Variants in PLXDC2 observed in about 807,000 individuals in gnomAD.
PLXDC2 encodes plexin domain containing 2.
Under a neutral mutation model 68.9 loss-of-function variants are expected in PLXDC2, and 40 were observed. That is an observed-to-expected ratio of 0.58 (90% CI 0.45 to 0.76). The LOEUF (loss-of-function observed/expected upper bound fraction) is 0.76, where lower values mean the gene tolerates loss of function less well. Ranked by LOEUF, PLXDC2 falls within the 30% of genes least tolerant of loss-of-function variation. The pLI is 0.00. For synonymous variants in PLXDC2, 243 were observed against 234.2 expected, an observed-to-expected ratio of 1.04 and a Z score of -0.34; for missense variants, 644 against 661.9, an observed-to-expected ratio of 0.97 and a Z score of 0.30.
At chr10:19,865,185 C>A (rs139685149) in intron 1 of PLXDC2, among the ~76,000 whole-genome samples, 2 of 152,128 alleles carry the variant, frequency 1.3e-5, no homozygotes, top group African/African-American at 4.8e-5. Flanking sequence ...TTGTGTAAGA[C>A]CACGGATTTT....
chr10:19,933,804 G>C (rs1195556441), intron 1 of PLXDC2, among the ~76,000 whole-genome samples: 1 of 144,154 alleles, frequency 6.9e-6, no homozygotes, highest in Non-Finnish European at 1.5e-5. Flanking sequence ...GAGGGCAGGA[G>C]GGAGGGAAAA....
chr10:20,278,668 A>G (rs978193581), intron 13 of PLXDC2, among the ~76,000 whole-genome samples: 2 of 152,100 alleles, frequency 1.3e-5, no homozygotes, highest in African/African-American at 4.8e-5. Context: ...ACCTGATGTG[A>G]AAAACTTTCA....
intron 9 of PLXDC2, among the ~76,000 whole-genome samples, chr10:20,197,123 A>T (rs1311461728): frequency 6.6e-6 from 1 of 152,150 alleles, no homozygotes; most frequent in Non-Finnish European, 1.5e-5. Context: ...TGGAATAGTC[A>T]CTTTTAATTA....
intron 1 of PLXDC2, among the ~76,000 whole-genome samples, chr10:19,876,624 AAGAGAG>A (rs1200115188): frequency 4.3e-5 from 6 of 139,072 alleles, no homozygotes; most frequent in African/African-American, 7.7e-5. Context: ...AAAAAAAAAA[AAGAGAG>A]AGAGAGAGAG....
At chr10:19,950,794 A>G (rs1187502769) in intron 1 of PLXDC2, among the ~76,000 whole-genome samples, 2 of 152,214 alleles carry the variant, frequency 1.3e-5, no homozygotes, top group East Asian at 3.9e-4. Context: ...TACTGGTACA[A>G]GAACAGACAC....
intron 1 of PLXDC2, among the ~76,000 whole-genome samples, chr10:19,958,805 T>C (rs1049610795): frequency 6.6e-6 from 1 of 150,414 alleles, no homozygotes; most frequent in Admixed American, 6.6e-5. Flanking sequence ...TATCAGAAAG[T>C]GTATGTAAGT....
At chr10:19,928,263 C>A (rs1443465632) in intron 1 of PLXDC2, among the ~76,000 whole-genome samples, 2 of 152,094 alleles carry the variant, frequency 1.3e-5, no homozygotes, top group African/African-American at 4.8e-5. Flanking sequence ...ATACATGTGC[C>A]AGTGTCTTTA....
chr10:20,164,338 C>A, intron 6 of PLXDC2, 130 bp from the exon 7 acceptor site: 1 of 735,294 alleles, frequency 1.4e-6, no homozygotes. Context: ...TTTCTAATAC[C>A]TTTGACTCCC....
At chr10:19,840,999 T>A (rs983933772) in intron 1 of PLXDC2, among the ~76,000 whole-genome samples, 1 of 152,334 alleles carries the variant, frequency 6.6e-6, no homozygotes, top group Non-Finnish European at 1.5e-5. Flanking sequence ...AGAATCCTTA[T>A]GAAGCAAGTA....
At chr10:20,040,979 T>G (rs759357848) in intron 2 of PLXDC2, among the ~76,000 whole-genome samples, 51 of 152,366 alleles carry the variant, frequency 3.3e-4, no homozygotes, top group Middle Eastern at 3.4e-3. Flanking sequence ...GTTATTTTTA[T>G]ATTTTCATGG....
chr10:19,966,894 A>G (rs568628141), intron 1 of PLXDC2, among the ~76,000 whole-genome samples: 29 of 152,306 alleles, frequency 1.9e-4, no homozygotes, highest in African/African-American at 6.0e-4. Flanking sequence ...GAGGGCTCCC[A>G]GGACCTAGCA....
intron 1 of PLXDC2, among the ~76,000 whole-genome samples, chr10:19,989,026 C>A (rs1357843016): frequency 6.6e-6 from 1 of 151,896 alleles, no homozygotes; most frequent in African/African-American, 2.4e-5. Flanking sequence ...TCTCAAACTC[C>A]TGACCTCAGG....
At chr10:19,823,940 C>T (rs1260652706) in intron 1 of PLXDC2, among the ~76,000 whole-genome samples, 2 of 152,020 alleles carry the variant, frequency 1.3e-5, no homozygotes, top group African/African-American at 2.4e-5. Context: ...CCCAGGAGGT[C>T]AGGGCTGCAA....
At chr10:19,881,787 T>G (rs1013135520) in intron 1 of PLXDC2, among the ~76,000 whole-genome samples, 1 of 152,252 alleles carries the variant, frequency 6.6e-6, no homozygotes, top group African/African-American at 2.4e-5. Flanking sequence ...TCCAGTTTCC[T>G]GTTGTAGAAG....
intron 4 of PLXDC2, among the ~76,000 whole-genome samples, chr10:20,096,802 A>G (rs997722267): frequency 6.6e-6 from 1 of 152,156 alleles, no homozygotes; most frequent in East Asian, 1.9e-4. Context: ...TTATAGATGC[A>G]TGTGTTTAGG....
chr10:20,068,902 G>A (rs7092348), intron 4 of PLXDC2, among the ~76,000 whole-genome samples: 36,586 of 151,918 alleles, frequency 0.24, 6,285 homozygotes, highest in East Asian at 0.6. Flanking sequence ...AAATATTTTA[G>A]TCTTCAAGCG....
intron 1 of PLXDC2, among the ~76,000 whole-genome samples, chr10:19,857,342 C>T (rs547408697): frequency 8.5e-5 from 13 of 152,336 alleles, no homozygotes; most frequent in East Asian, 5.8e-4. Context: ...CTGCAACCGA[C>T]ACACTTCTTA....
intron 1 of PLXDC2, among the ~76,000 whole-genome samples, chr10:19,956,972 C>G (rs935030668): frequency 3.3e-5 from 5 of 152,096 alleles, no homozygotes; most frequent in Non-Finnish European, 7.4e-5. Flanking sequence ...TATAAAAGGG[C>G]AGTTTTAGGT....
At chr10:19,998,890 C>T (rs1260811194) in intron 1 of PLXDC2, among the ~76,000 whole-genome samples, 1 of 152,116 alleles carries the variant, frequency 6.6e-6, no homozygotes, top group Non-Finnish European at 1.5e-5. Context: ...TGTCTCATAC[C>T]TGTCTGCTAA....
Sources: allele counts gnomAD v4.1 joint callset (sites outside exome capture counted in the v4.1 genomes callset), GRCh38; gene constraint gnomAD v4.1.1; transcripts MANE v1.5; gene names NCBI Gene and HGNC (gene_info 2026-07-23, HGNC 2026-07-21).